The following REV3L variants were observed in gnomAD, a reference collection of about 807,000 sequenced individuals.
REV3L encodes the protein REV3 like, DNA directed polymerase zeta catalytic subunit.
A neutral mutation model predicts 299.4 loss-of-function variants in REV3L; 69 were observed. The observed-to-expected ratio is 0.23, with a 90% CI of 0.19 to 0.28. The LOEUF (loss-of-function observed/expected upper bound fraction) is 0.28. REV3L is among the 10% of genes least tolerant of loss of function. The probability of loss-of-function intolerance (pLI) is 1.00; values close to 1 mark genes in which losing one functional copy is unlikely to be tolerated. For synonymous variants in REV3L, 1,238 were observed against 1,271.4 expected (o/e 0.97, Z 0.56); for missense variants, 3,128 against 3,693.8 (o/e 0.85, Z 3.97).
At chr6:111,335,432 C>T (rs757273152) in intron 22 of REV3L, 37 bp downstream of exon 22, 8 of 1,591,498 alleles carry the variant, frequency 5.0e-6, no homozygotes, top group Non-Finnish European at 6.8e-6. Flanking sequence ...ATCACTCATA[C>T]AGAACTTTCA....
chr6:111,363,742 A>T (rs1425333517), intron 16 of REV3L, 111 bp downstream of exon 16: 13 of 970,218 alleles, frequency 1.3e-5, no homozygotes, highest in Admixed American at 2.8e-5. Context: ...GATTAATAGG[A>T]TAGAATTCAA....
chr6:111,391,042 A>T (rs1244387354), intron 5 of REV3L, among the ~76,000 whole-genome samples: 1 of 151,754 alleles, frequency 6.6e-6, no homozygotes, highest in South Asian at 2.1e-4. Flanking sequence ...TATTTCATTA[A>T]CTTTTGATTT....
intron 1 of REV3L, among the ~76,000 whole-genome samples, chr6:111,461,614 T>C (rs1415485058): frequency 6.6e-6 from 1 of 151,862 alleles, no homozygotes; most frequent in Non-Finnish European, 1.5e-5. Flanking sequence ...AAAAGTAAAG[T>C]GTATGACAAC....
At chr6:111,364,088 G>A in intron 15 of REV3L, 110 bp from the exon 16 acceptor site, 6 of 1,362,836 alleles carry the variant, frequency 4.4e-6, no homozygotes, top group South Asian at 3.1e-5. Context: ...AGTAATAAAT[G>A]GTAAACTAAT....
intron 1 of REV3L, among the ~76,000 whole-genome samples, chr6:111,422,591 TATACACATATATATATATATAC>T (rs1785520507): frequency 3.5e-5 from 1 of 28,418 alleles, no homozygotes; most frequent in Non-Finnish European, 9.3e-5. Flanking sequence ...TATATATATA[TATACACATATATATATATATAC>T]ACATATATAT....
chr6:111,433,284 T>G (rs1787162531), intron 1 of REV3L, among the ~76,000 whole-genome samples: 2 of 151,212 alleles, frequency 1.3e-5, no homozygotes, highest in Non-Finnish European at 3.0e-5. Flanking sequence ...CAAACAAAAT[T>G]AACTAACAAA....
chr6:111,434,618 CA>C (rs1280352557), intron 1 of REV3L, among the ~76,000 whole-genome samples: 14,222 of 78,732 alleles, frequency 0.18, 723 homozygotes, highest in Middle Eastern at 0.37. Flanking sequence ...GACTCCGTCT[CA>C]AAAAAAAAAA....
intron 4 of REV3L, among the ~76,000 whole-genome samples, chr6:111,395,877 A>T: frequency 6.6e-6 from 1 of 152,170 alleles, no homozygotes; most frequent in Admixed American, 6.5e-5. Context: ...TGATTAACTT[A>T]TCAAGAGTTT....
intron 2 of REV3L, among the ~76,000 whole-genome samples, chr6:111,414,987 C>T (rs1784603002): frequency 6.6e-6 from 1 of 152,076 alleles, no homozygotes; most frequent in South Asian, 2.1e-4. Context: ...TAATTCTCTC[C>T]CTGCTCTTAT....
chr6:111,450,735 A>C (rs1001537888), intron 1 of REV3L, among the ~76,000 whole-genome samples: 5 of 152,196 alleles, frequency 3.3e-5, no homozygotes, highest in African/African-American at 1.2e-4. Flanking sequence ...ATTAAAGAAA[A>C]AAACTGTGAA....
Position 111,373,135 on chromosome 6 carries a change from G to A in REV3L, c.5220C>T (p.Arg1740=). 6.2e-7 allele frequency: 1 copy of A among 1,614,108 alleles called. No individual in the cohort carries two copies. Among genetic ancestry groups the A allele is most frequent in the Non-Finnish European group, 8.5e-7 (1 of 1,180,006 alleles). ...GAAAGCTATTTTTCCACTGGTTGTGGCGACGATTCTCATTGCTATCTATGG... is the reference window on the plus strand; with the variant it reads ...GAAAGCTATTTTTCCACTGGTTGTGACGACGATTCTCATTGCTATCTATGG... ...KSTIDSNENR[R]HNQWKNSFHP... Residue 1740 remains arginine (R), a synonymous_variant, in exon 13 of 32, where the codon CGC becomes CGT. Transcript: ENST00000368802.
Position 111,309,957 on chromosome 6 carries a change from G to A in REV3L, c.8938C>T (p.Leu2980=), listed in dbSNP as rs369318693. The change falls in exon 30 of 32, where the codon CTG becomes TTG. Residue 2980 remains leucine (L), a synonymous_variant. Transcript: ENST00000368802. ...VEVLQDPTLR[L]NATYYITKQI... ...TTGGTAATATAGTAAGTAGCATTCA[G>A]TCTCAGAGTTGGGTCCTGCAGGACT... 16 of 1,614,062 alleles carry A rather than the reference G, an allele frequency of 9.9e-6. No individual in the cohort carries two copies. Among genetic ancestry groups the A allele is most frequent in the Middle Eastern group, 1.7e-4 (1 of 6,060 alleles).
chr6:111,302,795 G>A (rs1189226562), intron 31 of REV3L, among the ~76,000 whole-genome samples: 2 of 152,064 alleles, frequency 1.3e-5, no homozygotes, highest in Non-Finnish European at 2.9e-5. Flanking sequence ...CCAGCTACTC[G>A]GGAGGCTGAG....
intron 20 of REV3L, among the ~76,000 whole-genome samples, 190 bp from the exon 21 acceptor site, chr6:111,344,233 A>G (rs1010492397): frequency 4.6e-5 from 7 of 152,236 alleles, no homozygotes; most frequent in African/African-American, 1.7e-4. Flanking sequence ...TGTTCATAAC[A>G]AATTGGAAAA....
intron 18 of REV3L, among the ~76,000 whole-genome samples, chr6:111,355,597 G>C (rs1778005830): frequency 1.3e-5 from 2 of 152,050 alleles, no homozygotes; most frequent in African/African-American, 4.8e-5. Context: ...GGACATTTAA[G>C]AAAGTTATTA....
intron 1 of REV3L, among the ~76,000 whole-genome samples, chr6:111,472,485 C>A (rs1321805263): frequency 6.6e-6 from 1 of 150,476 alleles, no homozygotes; most frequent in Non-Finnish European, 1.5e-5. Context: ...TCTCTGAACC[C>A]AAAGAAAATT....
At chr6:111,425,634 C>T (rs902747255) in intron 1 of REV3L, among the ~76,000 whole-genome samples, 21 of 151,832 alleles carry the variant, frequency 1.4e-4, no homozygotes, top group African/African-American at 4.8e-4. Context: ...AACACACAAA[C>T]AGGCAAATAT....
At chr6:111,343,453 A>G (rs1284573263) in intron 21 of REV3L, among the ~76,000 whole-genome samples, 3 of 152,240 alleles carry the variant, frequency 2.0e-5, no homozygotes, top group African/African-American at 7.2e-5. Context: ...GGTGTGAGAT[A>G]TGCTCCTTAT....
intron 12 of REV3L, among the ~76,000 whole-genome samples, chr6:111,377,300 T>C (rs558368759): frequency 5.9e-5 from 9 of 152,188 alleles, no homozygotes; most frequent in Non-Finnish European, 1.0e-4. Flanking sequence ...TCAAAATCAA[T>C]AGAAAGTATG....
Sources: allele counts gnomAD v4.1 joint callset (sites outside exome capture counted in the v4.1 genomes callset), GRCh38; gene constraint gnomAD v4.1.1; transcripts MANE v1.5; gene names NCBI Gene and HGNC (gene_info 2026-07-23, HGNC 2026-07-21).